RBFOX1: variants seen among roughly 807,000 people sequenced by gnomAD.
RBFOX1 encodes RNA binding protein fox-1 homolog 1.
Under a neutral mutation model 57.7 loss-of-function variants are expected in RBFOX1, and 8 were observed. That is an observed-to-expected ratio of 0.14 (90% CI 0.08 to 0.25). RBFOX1 has a LOEUF of 0.25. RBFOX1 is among the 10% of genes least tolerant of loss of function. The pLI, the probability that RBFOX1 is intolerant of heterozygous loss-of-function variation, is 1.00. For synonymous variants in RBFOX1, 326 were observed against 222.4 expected, an observed-to-expected ratio of 1.47 and a Z score of -4.15; for missense variants, 611 against 548.5, an observed-to-expected ratio of 1.11 and a Z score of -1.14.
intron 1 of RBFOX1, among the ~76,000 whole-genome samples, chr16:5,314,054 A>C (rs749035564): frequency 6.6e-6 from 1 of 152,212 alleles, no homozygotes; most frequent in Non-Finnish European, 1.5e-5. Flanking sequence ...TGATCGCATA[A>C]TGTGAGCTAA....
intron 4 of RBFOX1, among the ~76,000 whole-genome samples, chr16:7,430,659 CAAAA>C (rs35088351): frequency 7.2e-5 from 10 of 138,788 alleles, no homozygotes; most frequent in South Asian, 2.3e-4. Context: ...GACTCCATCT[CAAAA>C]AAAAAAAAAA....
intron 3 of RBFOX1, among the ~76,000 whole-genome samples, chr16:6,762,712 G>C (rs184801070): frequency 7.2e-5 from 11 of 152,130 alleles, no homozygotes; most frequent in African/African-American, 2.4e-4. Context: ...CTAAAGAATA[G>C]GTTGAGTTCT....
At chr16:7,410,045 A>G (rs747544881) in intron 4 of RBFOX1, among the ~76,000 whole-genome samples, 13 of 150,554 alleles carry the variant, frequency 8.6e-5, no homozygotes, top group African/African-American at 1.2e-4. Context: ...TTAAAGCTGC[A>G]TCTTACATTG....
intron 4 of RBFOX1, among the ~76,000 whole-genome samples, chr16:7,365,300 C>T (rs17143487): frequency 0.1 from 15,798 of 152,200 alleles, 1,052 homozygotes; most frequent in African/African-American, 0.19. Context: ...TATTTTGTAG[C>T]AGGGAAGAAT....
intron 4 of RBFOX1, among the ~76,000 whole-genome samples, chr16:7,068,506 AT>A (rs1275382081): frequency 6.6e-6 from 1 of 152,168 alleles, no homozygotes; most frequent in Non-Finnish European, 1.5e-5. Context: ...TTGCTTCACC[AT>A]TTAAGTCCAG....
At chr16:6,099,771 CAAATA>C (rs1268574749) in intron 1 of RBFOX1, among the ~76,000 whole-genome samples, 2 of 152,282 alleles carry the variant, frequency 1.3e-5, no homozygotes, top group South Asian at 2.1e-4. Context: ...CGAAATAAGA[CAAATA>C]AAATAAACCC....
At chr16:7,102,324 G>A (rs2062834926) in intron 4 of RBFOX1, among the ~76,000 whole-genome samples, 1 of 152,172 alleles carries the variant, frequency 6.6e-6, no homozygotes, top group Non-Finnish European at 1.5e-5. Context: ...GCCTATATGT[G>A]AAGAAGGATC....
chr16:6,671,758 T>A (rs1047520225), intron 3 of RBFOX1, among the ~76,000 whole-genome samples: 2 of 152,226 alleles, frequency 1.3e-5, no homozygotes, highest in African/African-American at 4.8e-5. Context: ...AATAACAGTT[T>A]CCAGTCCCAT....
intron 3 of RBFOX1, among the ~76,000 whole-genome samples, chr16:5,706,064 C>G (rs933071934): frequency 6.6e-6 from 1 of 152,184 alleles, no homozygotes; most frequent in African/African-American, 2.4e-5. Context: ...GTGCGTGCCA[C>G]CATGCCTAGC....
intron 3 of RBFOX1, among the ~76,000 whole-genome samples, chr16:6,790,169 C>CTATTATTGTTAT (rs1555469952): frequency 2.8e-5 from 4 of 141,542 alleles, no homozygotes; most frequent in African/African-American, 1.0e-4. Flanking sequence ...TTATTTTATT[C>CTATTATTGTTAT]TATTATTATT....
chr16:6,883,984 T>A (rs964957776), intron 3 of RBFOX1, among the ~76,000 whole-genome samples: 4 of 152,128 alleles, frequency 2.6e-5, no homozygotes, highest in Non-Finnish European at 4.4e-5. Flanking sequence ...GGGGAGATTG[T>A]GAAAACTGGG....
chr16:5,836,125 G>A (rs1173708617), intron 3 of RBFOX1, among the ~76,000 whole-genome samples: 3 of 152,196 alleles, frequency 2.0e-5, no homozygotes, highest in South Asian at 2.1e-4. Flanking sequence ...AGTGACTGGA[G>A]GCTGAGCCGG....
intron 4 of RBFOX1, among the ~76,000 whole-genome samples, chr16:7,164,349 T>G (rs1474152508): frequency 4.6e-5 from 7 of 152,216 alleles, no homozygotes; most frequent in Non-Finnish European, 7.3e-5. Flanking sequence ...CCACATTTTC[T>G]TGATCCACTC....
chr16:6,967,544 T>C (rs7191887), intron 3 of RBFOX1, among the ~76,000 whole-genome samples: 118,835 of 151,718 alleles, frequency 0.78, 46,860 homozygotes, highest in African/African-American at 0.87. Flanking sequence ...ATAGACTGAC[T>C]TGCTTATGTG....
rs79049523 is a variant in RBFOX1 at position 6,061,463 on chromosome 16, G to A, written c.-127+41471G>A. 4.2e-3 allele frequency among the ~76,000 whole-genome samples: 631 copies of A among 151,694 alleles called. 5 individuals carry two copies. Among genetic ancestry groups the A allele is most frequent in the African/African-American group, 0.014 (593 of 41,382 alleles). Reference sequence around the variant, plus strand: ...TTGTATATGTATAGTCATCATATATGTATACATCTATTTTCATTGTATAAC... The same window carrying A: ...TTGTATATGTATAGTCATCATATATATATACATCTATTTTCATTGTATAAC... On this transcript the variant is annotated intron_variant, in intron 1 of 15. Transcript: ENST00000550418.
At chr16:5,426,709 T>A (rs776026271) in intron 1 of RBFOX1, among the ~76,000 whole-genome samples, 1 of 152,198 alleles carries the variant, frequency 6.6e-6, no homozygotes, top group East Asian at 1.9e-4. Flanking sequence ...GTTTTTTCTG[T>A]TATCGCTCCA....
At chr16:7,709,934 C>A (rs757744674) in intron 15 of RBFOX1, 3 of 1,030,138 alleles carry the variant, frequency 2.9e-6, no homozygotes, top group East Asian at 9.8e-5. Flanking sequence ...TCAGTCCTTA[C>A]CCTAAAAATG....
At chr16:7,577,428 C>T (rs35525323) in intron 5 of RBFOX1, among the ~76,000 whole-genome samples, 85,999 of 152,076 alleles carry the variant, frequency 0.57, 24,645 homozygotes, top group East Asian at 0.67. Flanking sequence ...CATCTCTGCA[C>T]ATCTGCACAT....
At chr16:6,496,876 C>G (rs2095785263) in intron 2 of RBFOX1, among the ~76,000 whole-genome samples, 1 of 152,124 alleles carries the variant, frequency 6.6e-6, no homozygotes, top group South Asian at 2.1e-4. Flanking sequence ...AGGAGAGTCG[C>G]TTGAACCCAG....
Sources: allele counts gnomAD v4.1 joint callset (sites outside exome capture counted in the v4.1 genomes callset), GRCh38; gene constraint gnomAD v4.1.1; transcripts MANE v1.5; gene names NCBI Gene and HGNC (gene_info 2026-07-23, HGNC 2026-07-21).